Variants in TSPAN5 observed in about 807,000 individuals in gnomAD.
TSPAN5 encodes the protein tetraspanin 5.
A neutral mutation model predicts 37.1 loss-of-function variants in TSPAN5; 10 were observed. The ratio of observed to expected loss-of-function variants is 0.27; its 90% CI spans 0.17 to 0.46. The LOEUF (loss-of-function observed/expected upper bound fraction) is 0.46, where lower values mean the gene tolerates loss of function less well. Among genes scored for constraint, TSPAN5 ranks in the 20% least tolerant of loss-of-function variants. The probability of loss-of-function intolerance (pLI) is 1.00; values close to 1 mark genes in which losing one functional copy is unlikely to be tolerated. For synonymous variants in TSPAN5, 110 were observed against 118.9 expected (o/e 0.93, Z 0.48); for missense variants, 195 against 326.6 (o/e 0.60, Z 3.11).
chr4:98,559,455 G>A (rs955133755), intron 1 of TSPAN5, among the ~76,000 whole-genome samples: 1 of 152,146 alleles, frequency 6.6e-6, no homozygotes, highest in Non-Finnish European at 1.5e-5. Flanking sequence ...GTATAATAAA[G>A]AAATGGTTAA....
chr4:98,621,788 A>AC (rs373904542), intron 1 of TSPAN5, among the ~76,000 whole-genome samples: 10,980 of 130,362 alleles, frequency 0.084, 528 homozygotes, highest in Middle Eastern at 0.16. Flanking sequence ...CCTCATTCCC[A>AC]CCCCCCCCGC....
chr4:98,533,722 T>G (rs969903376), intron 1 of TSPAN5, among the ~76,000 whole-genome samples: 10 of 148,776 alleles, frequency 6.7e-5, no homozygotes, highest in Admixed American at 6.7e-4. Context: ...GGCTAATTTT[T>G]TGTATTTTTA....
At chr4:98,588,784 C>T (rs1755556384) in intron 1 of TSPAN5, among the ~76,000 whole-genome samples, 4 of 152,222 alleles carry the variant, frequency 2.6e-5, no homozygotes, top group Admixed American at 2.6e-4. Context: ...GCCTAGAAGA[C>T]TTCAAATGTT....
chr4:98,504,208 G>T lies in TSPAN5; in HGVS notation c.132+3470C>A, dbSNP rs369199314. Reference sequence around the variant, plus strand: ...ATCCTTCCAGCTATGATCCAGTTTGGGGATTTACCCTCCAGGCCTCTTACA... The same window carrying T: ...ATCCTTCCAGCTATGATCCAGTTTGTGGATTTACCCTCCAGGCCTCTTACA... On this transcript the variant is annotated intron_variant, in intron 2 of 7. Coordinates refer to ENST00000305798, the MANE Select transcript of TSPAN5 (RefSeq NM_005723.4). Among the ~76,000 whole-genome samples, 261 of 152,220 alleles carry T rather than the reference G, an allele frequency of 1.7e-3. 3 individuals carry two copies. The highest frequency in any genetic ancestry group is 6.0e-3 in the African/African-American group (251 of 41,542).
chr4:98,614,676 C>T (rs1338153552), intron 1 of TSPAN5, among the ~76,000 whole-genome samples: 1 of 152,200 alleles, frequency 6.6e-6, no homozygotes, highest in Non-Finnish European at 1.5e-5. Context: ...ACTAATTATG[C>T]TCTTCATAAG....
At chr4:98,615,657 C>T (rs1357163299) in intron 1 of TSPAN5, among the ~76,000 whole-genome samples, 1 of 152,212 alleles carries the variant, frequency 6.6e-6, no homozygotes, top group African/African-American at 2.4e-5. Flanking sequence ...CCTGTCTCTA[C>T]TAAAAATACC....
intron 1 of TSPAN5, among the ~76,000 whole-genome samples, chr4:98,530,570 A>G (rs761011449): frequency 6.6e-6 from 1 of 152,220 alleles, no homozygotes; most frequent in Non-Finnish European, 1.5e-5. Context: ...TGGGATGTGC[A>G]TTGGACTTGG....
At chr4:98,651,074 G>A (rs933795770) in intron 1 of TSPAN5, among the ~76,000 whole-genome samples, 1 of 152,194 alleles carries the variant, frequency 6.6e-6, no homozygotes, top group Non-Finnish European at 1.5e-5. Flanking sequence ...AATGAGAAAA[G>A]AGTAACTATA....
intron 7 of TSPAN5, 107 bp from the exon 8 acceptor site, chr4:98,472,694 A>G: frequency 1.1e-6 from 1 of 931,852 alleles, no homozygotes; most frequent in Non-Finnish European, 1.6e-6. Flanking sequence ...TTAAGATGTA[A>G]TTCATATGTG....
At chr4:98,620,998 C>A (rs941381997) in intron 1 of TSPAN5, among the ~76,000 whole-genome samples, 7 of 152,178 alleles carry the variant, frequency 4.6e-5, no homozygotes, top group Admixed American at 4.6e-4. Context: ...GAAATAGAAT[C>A]ATTGCAGGTA....
chr4:98,592,448 T>A lies in TSPAN5; in HGVS notation c.81+65698A>T, dbSNP rs868582987. The stretch of plus-strand genomic sequence containing the variant: ...TTTTTGTTTTTTTTTTTTTTTTTTT[T>A]ATTATACTCTAAGTTTTAGGGTACA... On this transcript the variant is annotated intron_variant, in intron 1 of 7. Transcript: ENST00000305798. Among the ~76,000 whole-genome samples, 669 of 127,222 alleles carry A rather than the reference T, an allele frequency of 5.3e-3. 10 individuals carry two copies. The highest frequency in any genetic ancestry group is 0.019 in the African/African-American group (641 of 33,262). 83.5% of individuals were successfully genotyped at this position (127,222 alleles called of 152,430 possible).
Position 98,472,519 on chromosome 4 carries a change from G to T in TSPAN5, c.*3C>A, listed in dbSNP as rs764987354. On this transcript the variant is annotated 3_prime_UTR_variant, in exon 8 of 8. Transcript: ENST00000305798. Reference sequence around the variant, plus strand: ...GTGTCTTGCAGCAGCGGTTGCAGGGGGTCTACCAGCTCGCCCTGACAGCTT... The same window carrying T: ...GTGTCTTGCAGCAGCGGTTGCAGGGTGTCTACCAGCTCGCCCTGACAGCTT... The T allele has an allele frequency of 6.2e-7, 1 of 1,613,764 alleles. No homozygotes were observed. Among genetic ancestry groups the T allele is most frequent in the East Asian group, 2.2e-5 (1 of 44,856 alleles).
At chr4:98,513,846 T>C (rs1174396564) in intron 1 of TSPAN5, among the ~76,000 whole-genome samples, 1 of 148,980 alleles carries the variant, frequency 6.7e-6, no homozygotes, top group Non-Finnish European at 1.5e-5. Flanking sequence ...CTGCTACTTT[T>C]ATTCATAAAA....
intron 1 of TSPAN5, among the ~76,000 whole-genome samples, chr4:98,575,269 C>A (rs1033156177): frequency 6.6e-6 from 1 of 152,028 alleles, no homozygotes; most frequent in African/African-American, 2.4e-5. Context: ...TCGCTACTCA[C>A]ACACACATTC....
chr4:98,478,663 T>C, intron 5 of TSPAN5, 22 bp downstream of exon 5: 11 of 1,614,098 alleles, frequency 6.8e-6, no homozygotes, highest in Non-Finnish European at 9.3e-6. Flanking sequence ...AGTAGGCCAA[T>C]AGTTCGCTGG....
intron 1 of TSPAN5, among the ~76,000 whole-genome samples, chr4:98,550,349 T>C (rs1008872953): frequency 2.0e-5 from 3 of 152,198 alleles, no homozygotes; most frequent in African/African-American, 7.2e-5. Context: ...TTGCTTAGGA[T>C]TGCTTTGGCT....
At chr4:98,563,076 C>T (rs1418204934) in intron 1 of TSPAN5, among the ~76,000 whole-genome samples, 3 of 152,156 alleles carry the variant, frequency 2.0e-5, no homozygotes, top group African/African-American at 2.4e-5. Flanking sequence ...CCTGGGGCTC[C>T]AGTTACCGTG....
At chr4:98,561,995 A>G (rs1265481019) in intron 1 of TSPAN5, among the ~76,000 whole-genome samples, 2 of 152,214 alleles carry the variant, frequency 1.3e-5, no homozygotes, top group African/African-American at 4.8e-5. Flanking sequence ...AACTGCGAAT[A>G]GTCCAGCCCC....
intron 1 of TSPAN5, among the ~76,000 whole-genome samples, chr4:98,566,977 G>A (rs1437429034): frequency 6.6e-6 from 1 of 152,250 alleles, no homozygotes; most frequent in Non-Finnish European, 1.5e-5. Context: ...CCAAGTGCAG[G>A]AGACGCTGGC....
Sources: gnomAD v4.1 joint callset for allele counts (sites outside exome capture counted in the v4.1 genomes callset) on GRCh38, gnomAD v4.1.1 for gene constraint, MANE v1.5 for transcripts, NCBI Gene and HGNC (gene_info 2026-07-23, HGNC 2026-07-21) for gene names.